The following RELN variants were observed in gnomAD, a reference collection of about 807,000 sequenced individuals.
RELN encodes the protein reelin.
A neutral mutation model predicts 427.6 loss-of-function variants in RELN; 108 were observed. That is an observed-to-expected ratio of 0.25 (90% CI 0.22 to 0.30). The LOEUF is 0.30. Ranked by LOEUF, RELN falls within the 10% of genes least tolerant of loss-of-function variation. RELN has a pLI of 1.00. For synonymous variants in RELN, 1,524 were observed against 1,513.4 expected, an observed-to-expected ratio of 1.01 and a Z score of -0.16; for missense variants, 3,715 against 4,302.8, an observed-to-expected ratio of 0.86 and a Z score of 3.82.
intron 2 of RELN, among the ~76,000 whole-genome samples, chr7:103,854,199 G>C (rs1346998545): frequency 6.6e-6 from 1 of 152,142 alleles, no homozygotes; most frequent in Non-Finnish European, 1.5e-5. Context: ...CGATTCATCT[G>C]TTGTAGTCCT....
At chr7:103,802,691 C>T (rs1170277706) in intron 3 of RELN, among the ~76,000 whole-genome samples, 1 of 152,050 alleles carries the variant, frequency 6.6e-6, no homozygotes, top group Non-Finnish European at 1.5e-5. Context: ...AATTGCAAGT[C>T]TCCTTATGAA....
At chr7:103,835,162 T>C (rs988820028) in intron 2 of RELN, among the ~76,000 whole-genome samples, 1 of 152,184 alleles carries the variant, frequency 6.6e-6, no homozygotes, top group Non-Finnish European at 1.5e-5. Context: ...GGAAACTTAA[T>C]ATGCGTATTA....
intron 45 of RELN, among the ~76,000 whole-genome samples, chr7:103,537,758 G>T (rs1349221932): frequency 6.6e-6 from 1 of 152,166 alleles, no homozygotes; most frequent in Non-Finnish European, 1.5e-5. Context: ...AGGCTGGTCT[G>T]CTCTCAGTTT....
chr7:103,744,972 T>C (rs922943849), intron 6 of RELN, among the ~76,000 whole-genome samples: 3 of 152,180 alleles, frequency 2.0e-5, no homozygotes, highest in Non-Finnish European at 2.9e-5. Flanking sequence ...AAAAAGATAA[T>C]TTTAGACCAA....
At chr7:103,914,925 A>G (rs1002910166) in intron 2 of RELN, among the ~76,000 whole-genome samples, 2 of 152,284 alleles carry the variant, frequency 1.3e-5, no homozygotes, top group African/African-American at 4.8e-5. Context: ...TACTGACCTC[A>G]GAGTGATCTC....
intron 11 of RELN, among the ~76,000 whole-genome samples, chr7:103,679,272 T>C (rs1017653648): frequency 3.3e-5 from 5 of 152,208 alleles, no homozygotes; most frequent in Admixed American, 3.3e-4. Context: ...TATAACATAA[T>C]GCCAACTTCA....
In RELN at chr7:103,824,307, C is replaced by T. The variant is rs264374; in HGVS notation, c.473+9230G>A. Among the ~76,000 whole-genome samples, 77,322 of 151,804 alleles carry T rather than the reference C, an allele frequency of 0.51. 19,976 individuals carry two copies. Among genetic ancestry groups the T allele is most frequent in the Admixed American group, 0.6 (9,118 of 15,184 alleles). ...CTAATGTAAAGCTAGACTCCATATA[C>T]TGAGGGTTTTATCTTCTTACAAGTA... On this transcript the variant is annotated intron_variant, in intron 3 of 64. Coordinates refer to ENST00000428762, the MANE Select transcript of RELN (RefSeq NM_005045.4). The surrounding 1 kb of genome is among the most constrained non-coding windows in gnomAD (Gnocchi z 4.4).
chr7:103,777,836 G>T (rs1207358028), intron 3 of RELN, among the ~76,000 whole-genome samples: 2 of 151,152 alleles, frequency 1.3e-5, no homozygotes, highest in African/African-American at 4.9e-5. Flanking sequence ...GTTAATGGGT[G>T]ATATCACTTC....
At chr7:103,897,429 T>C (rs1378989581) in intron 2 of RELN, among the ~76,000 whole-genome samples, 1 of 152,100 alleles carries the variant, frequency 6.6e-6, no homozygotes, top group African/African-American at 2.4e-5. Flanking sequence ...TGTGCTTACC[T>C]GGTGTGTGCT....
chr7:103,747,652 T>C (rs963358893), intron 6 of RELN, among the ~76,000 whole-genome samples: 14 of 151,016 alleles, frequency 9.3e-5, no homozygotes, highest in African/African-American at 3.2e-4. Context: ...CTTTTTTTTT[T>C]TTTTTTTTTT....
At chr7:103,663,432 T>C (rs1355450493) in intron 11 of RELN, among the ~76,000 whole-genome samples, 1 of 152,150 alleles carries the variant, frequency 6.6e-6, no homozygotes, top group Non-Finnish European at 1.5e-5. Flanking sequence ...CTGTATCCTG[T>C]CCTCACTTTC....
intron 3 of RELN, among the ~76,000 whole-genome samples, chr7:103,785,284 T>G (rs1426185741): frequency 1.3e-5 from 2 of 152,148 alleles, no homozygotes; most frequent in African/African-American, 4.8e-5. Context: ...AGTAAGCCTA[T>G]GGTCACTTGT....
At chr7:103,636,500 A>G (rs201080724) in intron 17 of RELN, 32 bp from the exon 18 acceptor site, 1 of 1,422,080 alleles carries the variant, frequency 7.0e-7, no homozygotes, top group African/African-American at 1.4e-5. Flanking sequence ...TAAATCTTAA[A>G]CTGTTGGCTG....
At chr7:103,801,267 A>G (rs1297870364) in intron 3 of RELN, among the ~76,000 whole-genome samples, 1 of 152,236 alleles carries the variant, frequency 6.6e-6, no homozygotes, top group Non-Finnish European at 1.5e-5. Context: ...TGCTACTTTA[A>G]AGACACATGC....
intron 6 of RELN, among the ~76,000 whole-genome samples, chr7:103,742,017 A>G (rs1790675488): frequency 6.6e-6 from 1 of 152,040 alleles, no homozygotes; most frequent in East Asian, 1.9e-4. Flanking sequence ...GGCACCCCCC[A>G]GTAGGGGCGG....
chr7:103,803,463 C>T (rs1294744836), intron 3 of RELN, among the ~76,000 whole-genome samples: 2 of 151,988 alleles, frequency 1.3e-5, no homozygotes, highest in African/African-American at 4.8e-5. Context: ...GCACAGTATT[C>T]AATAAAAGAC....
At position 103,720,462 on chromosome 7, in the gene RELN, T is replaced by G. The variant is rs201864691; in HGVS notation, c.805+2678A>C. On this transcript the variant is annotated intron_variant, in intron 8 of 64. Transcript: ENST00000428762. ...TAATAGAATTCCCTAGAAAACTGCTTGAATCATTGTGTTATACAGTGAACA... is the reference window on the plus strand; with the variant it reads ...TAATAGAATTCCCTAGAAAACTGCTGGAATCATTGTGTTATACAGTGAACA... 7.2e-5 allele frequency among the ~76,000 whole-genome samples: 11 copies of G among 152,212 alleles called. No individual in the cohort carries two copies. In the East Asian group the frequency reaches 1.3e-3, roughly 19 times the overall value.
intron 28 of RELN, among the ~76,000 whole-genome samples, chr7:103,576,734 C>A (rs565667829): frequency 3.9e-5 from 6 of 152,298 alleles, no homozygotes; most frequent in Admixed American, 1.3e-4. Context: ...CTCTTCATCT[C>A]TCATCTTTAA....
chr7:103,621,783 A>T (rs1832223265), intron 20 of RELN, among the ~76,000 whole-genome samples: 1 of 152,196 alleles, frequency 6.6e-6, no homozygotes, highest in African/African-American at 2.4e-5. Flanking sequence ...TGGGAGGCAG[A>T]GGCAGGTGGA....
Sources: gnomAD v4.1 joint callset for allele counts (sites outside exome capture counted in the v4.1 genomes callset) on GRCh38, gnomAD v4.1.1 for gene constraint, Gnocchi (gnomAD v3.1) non-coding constraint, MANE v1.5 for transcripts, NCBI Gene and HGNC (gene_info 2026-07-23, HGNC 2026-07-21) for gene names.